The following GPC6 variants were observed in gnomAD, a reference collection of about 807,000 sequenced individuals.
The protein encoded by GPC6 is glypican-6.
Under a neutral mutation model 55.2 loss-of-function variants are expected in GPC6, and 14 were observed. The ratio of observed to expected loss-of-function variants is 0.25; its 90% CI spans 0.17 to 0.40. The LOEUF is 0.40. GPC6 is among the 10% of genes least tolerant of loss of function. GPC6 has a pLI of 1.00. For missense variants in GPC6, 641 were observed against 708.5 expected (o/e 0.90, Z 1.08); for synonymous variants, 278 against 259.6 (o/e 1.07, Z -0.68).
chr13:94,026,021 A>C (rs1882882517), intron 3 of GPC6, among the ~76,000 whole-genome samples: 1 of 152,222 alleles, frequency 6.6e-6, no homozygotes. Flanking sequence ...AAGCAACTGT[A>C]GAAAAACGTA....
At chr13:93,690,547 C>T (rs1178148396) in intron 2 of GPC6, among the ~76,000 whole-genome samples, 1 of 151,726 alleles carries the variant, frequency 6.6e-6, no homozygotes, top group East Asian at 1.9e-4. Flanking sequence ...TGCCATGCCT[C>T]CTACAAGATC....
chr13:93,828,197 T>C (rs1887336277), intron 2 of GPC6, among the ~76,000 whole-genome samples: 1 of 152,118 alleles, frequency 6.6e-6, no homozygotes, highest in African/African-American at 2.4e-5. Context: ...GAATCCACTT[T>C]CCAGTCTCAT....
chr13:94,188,933 C>T (rs904584542), intron 4 of GPC6, among the ~76,000 whole-genome samples: 22 of 152,150 alleles, frequency 1.4e-4, no homozygotes, highest in African/African-American at 5.3e-4. Flanking sequence ...CGTATAGTTG[C>T]TTTATTCTCT....
In GPC6 at chr13:94,165,228, C is replaced by CATATATATATGTATACATA. The variant is rs1594010063; in HGVS notation, c.878-121121_878-121120insATATATATATGTATACATA. ...GTGTGTATATATATATAATGGAATA[C>CATATATATATGTATACATA]TATTCATATATATATGTATACATAT... On this transcript the variant is annotated intron_variant, in intron 4 of 8. Transcript: ENST00000377047. Among the ~76,000 whole-genome samples the CATATATATATGTATACATA allele has an allele frequency of 2.0e-5, 3 of 146,402 alleles. No individual in the cohort carries two copies. The East Asian group carries it at 6.0e-4, about 29-fold the overall frequency.
intron 3 of GPC6, among the ~76,000 whole-genome samples, chr13:93,885,652 G>C (rs1269048412): frequency 6.6e-6 from 1 of 152,130 alleles, no homozygotes; most frequent in Non-Finnish European, 1.5e-5. Flanking sequence ...TCTGTTCAAG[G>C]CTACCTCCTC....
chr13:94,331,991 G>C (rs773197033), intron 6 of GPC6, among the ~76,000 whole-genome samples: 1 of 152,022 alleles, frequency 6.6e-6, no homozygotes, highest in Non-Finnish European at 1.5e-5. Flanking sequence ...TTTTATTTCT[G>C]TTCTCCATCT....
At chr13:93,945,500 T>C (rs1878963786) in intron 3 of GPC6, among the ~76,000 whole-genome samples, 1 of 152,216 alleles carries the variant, frequency 6.6e-6, no homozygotes, top group Non-Finnish European at 1.5e-5. Flanking sequence ...GCAGGCAGGC[T>C]AACTAGAAGC....
At chr13:93,310,249 G>T (rs1175067979) in intron 1 of GPC6, among the ~76,000 whole-genome samples, 1 of 152,074 alleles carries the variant, frequency 6.6e-6, no homozygotes, top group Non-Finnish European at 1.5e-5. Flanking sequence ...CAGGAAAGAG[G>T]GTGCAGCTGG....
At chr13:93,802,363 C>G (rs1047888516) in intron 2 of GPC6, among the ~76,000 whole-genome samples, 1 of 151,768 alleles carries the variant, frequency 6.6e-6, no homozygotes, top group Non-Finnish European at 1.5e-5. Flanking sequence ...GAATAAAATC[C>G]TACATCTAAT....
intron 6 of GPC6, among the ~76,000 whole-genome samples, chr13:94,314,097 A>G (rs1666088351): frequency 6.6e-6 from 1 of 152,222 alleles, no homozygotes; most frequent in African/African-American, 2.4e-5. Flanking sequence ...TGGCGTCATC[A>G]AAAGGCAAGT....
At chr13:93,527,127 T>C (rs2139407885) in intron 1 of GPC6, among the ~76,000 whole-genome samples, 1 of 152,190 alleles carries the variant, frequency 6.6e-6, no homozygotes, top group East Asian at 1.9e-4. Context: ...GATATACATA[T>C]ACAGAATGAA....
chr13:93,709,598 CTTTG>C (rs1882982603), intron 2 of GPC6, among the ~76,000 whole-genome samples: 3 of 151,834 alleles, frequency 2.0e-5, no homozygotes. Context: ...TTGTCAATTA[CTTTG>C]TTTGTGCAGC....
At chr13:93,295,592 T>C (rs1401887765) in intron 1 of GPC6, among the ~76,000 whole-genome samples, 1 of 152,042 alleles carries the variant, frequency 6.6e-6, no homozygotes, top group East Asian at 1.9e-4. Context: ...ACCATTCTCC[T>C]GCCTCAGCCT....
intron 4 of GPC6, among the ~76,000 whole-genome samples, chr13:94,158,980 C>T (rs921100599): frequency 2.0e-5 from 3 of 152,112 alleles, no homozygotes; most frequent in Admixed American, 6.6e-5. Flanking sequence ...AACCCAGTAC[C>T]ACAACCCTTT....
At chr13:94,332,444 A>T in intron 6 of GPC6, among the ~76,000 whole-genome samples, 1 of 152,242 alleles carries the variant, frequency 6.6e-6, no homozygotes, top group East Asian at 1.9e-4. Context: ...CTCAAATTAT[A>T]TTCTTGCTGT....
At chr13:93,385,049 A>G (rs1257126537) in intron 1 of GPC6, among the ~76,000 whole-genome samples, 1 of 152,228 alleles carries the variant, frequency 6.6e-6, no homozygotes, top group Non-Finnish European at 1.5e-5. Flanking sequence ...AAATACACTT[A>G]CATAAACACA....
intron 6 of GPC6, among the ~76,000 whole-genome samples, chr13:94,350,351 G>A (rs1878481741): frequency 1.3e-5 from 2 of 152,080 alleles, no homozygotes; most frequent in South Asian, 4.2e-4. Flanking sequence ...TCCAGACTTA[G>A]GCATCAGTAT....
chr13:93,745,559 C>A (rs1884370115), intron 2 of GPC6, among the ~76,000 whole-genome samples: 1 of 152,176 alleles, frequency 6.6e-6, no homozygotes, highest in Non-Finnish European at 1.5e-5. Context: ...TTTGACATAA[C>A]TACTTTTTGG....
chr13:93,916,461 G>A (rs1594585424), intron 3 of GPC6, among the ~76,000 whole-genome samples: 1 of 152,142 alleles, frequency 6.6e-6, no homozygotes, highest in Admixed American at 6.5e-5. Context: ...TTCTCAAGAG[G>A]AAACTGACAG....
Sources: gnomAD v4.1 joint callset for allele counts (sites outside exome capture counted in the v4.1 genomes callset) on GRCh38, gnomAD v4.1.1 for gene constraint, MANE v1.5 for transcripts, NCBI Gene and HGNC (gene_info 2026-07-23, HGNC 2026-07-21) for gene names.